CCDC178: variants seen among roughly 807,000 people sequenced by gnomAD.
CCDC178 encodes the protein coiled-coil domain-containing protein 178.
A neutral mutation model predicts 117.4 loss-of-function variants in CCDC178; 126 were observed. That is an observed-to-expected ratio of 1.07 (90% CI 0.93 to 1.24). The LOEUF (loss-of-function observed/expected upper bound fraction) is 1.24. Among genes scored for constraint, CCDC178 ranks in the 50% most tolerant of loss-of-function variants. The pLI, the probability that CCDC178 is intolerant of heterozygous loss-of-function variation, is 0.00. For synonymous variants in CCDC178, 283 were observed against 313.4 expected (o/e 0.90, Z 1.02); for missense variants, 1,030 against 986.9 (o/e 1.04, Z -0.59).
At chr18:33,343,004 C>G (rs1000581520) in intron 9 of CCDC178, among the ~76,000 whole-genome samples, 1 of 152,128 alleles carries the variant, frequency 6.6e-6, no homozygotes, top group South Asian at 2.1e-4. Flanking sequence ...TGTCTCACCC[C>G]CTGGGGTGAT....
At chr18:33,147,783 A>T (rs2058288663) in intron 20 of CCDC178, among the ~76,000 whole-genome samples, 1 of 152,196 alleles carries the variant, frequency 6.6e-6, no homozygotes, top group Non-Finnish European at 1.5e-5. Flanking sequence ...ACATAGACAC[A>T]GCAACAATCT....
At chr18:33,331,919 T>C (rs1011682172) in intron 10 of CCDC178, among the ~76,000 whole-genome samples, 3 of 152,210 alleles carry the variant, frequency 2.0e-5, no homozygotes, top group African/African-American at 7.2e-5. Context: ...AAGGTATTCA[T>C]GTGTGATTAT....
rs557035991 is a variant in CCDC178 at position 33,261,669 on chromosome 18, T to C, written c.1409+5247A>G. Among the ~76,000 whole-genome samples, 4 of 152,320 alleles carry C rather than the reference T, an allele frequency of 2.6e-5. No homozygotes were observed. The East Asian group carries it at 7.7e-4, about 29-fold the overall frequency. On this transcript the variant is annotated intron_variant, in intron 14 of 22. Transcript: ENST00000383096. Reference sequence around the variant, plus strand: ...AATGGTTATATAATCTTTTTCACATTTAAATATTCCATAGGGCTATTTGTC... The same window carrying C: ...AATGGTTATATAATCTTTTTCACATCTAAATATTCCATAGGGCTATTTGTC...
intron 15 of CCDC178, among the ~76,000 whole-genome samples, chr18:33,237,123 C>G (rs916193568): frequency 6.6e-6 from 1 of 152,170 alleles, no homozygotes; most frequent in African/African-American, 2.4e-5. Flanking sequence ...CTAGAGTGTA[C>G]CCTTCTCTGG....
chr18:33,419,786 A>G (rs965148722), intron 2 of CCDC178, among the ~76,000 whole-genome samples: 1 of 152,158 alleles, frequency 6.6e-6, no homozygotes. Flanking sequence ...AAAATAACAG[A>G]TGCTGGTGAG....
At chr18:33,407,349 A>G (rs957861935) in intron 3 of CCDC178, among the ~76,000 whole-genome samples, 1 of 152,194 alleles carries the variant, frequency 6.6e-6, no homozygotes, top group African/African-American at 2.4e-5. Flanking sequence ...AAGCCTGAAA[A>G]TTAGCGATCT....
intron 20 of CCDC178, 74 bp downstream of exon 20, chr18:33,211,822 T>C (rs1175105403): frequency 6.4e-6 from 8 of 1,251,058 alleles, no homozygotes; most frequent in Non-Finnish European, 8.9e-6. Flanking sequence ...AGGATAAAAA[T>C]TGTCTCAAAC....
intron 21 of CCDC178, among the ~76,000 whole-genome samples, chr18:33,010,546 G>A (rs905285511): frequency 6.6e-6 from 1 of 152,136 alleles, no homozygotes; most frequent in Non-Finnish European, 1.5e-5. Context: ...ACACATCTCA[G>A]TCTAGCTGCC....
At chr18:32,987,048 C>A (rs933335848) in intron 21 of CCDC178, among the ~76,000 whole-genome samples, 2 of 150,878 alleles carry the variant, frequency 1.3e-5, no homozygotes, top group African/African-American at 4.9e-5. Flanking sequence ...AAAAAATAAA[C>A]AAAAGTCTTC....
At chr18:33,130,704 T>G (rs2058060183) in intron 20 of CCDC178, among the ~76,000 whole-genome samples, 1 of 151,936 alleles carries the variant, frequency 6.6e-6, no homozygotes. Flanking sequence ...ATGCAAACAT[T>G]CGACCTGGTT....
At chr18:33,260,993 A>C (rs1008548610) in intron 14 of CCDC178, among the ~76,000 whole-genome samples, 3 of 152,020 alleles carry the variant, frequency 2.0e-5, no homozygotes, top group Admixed American at 2.0e-4. Flanking sequence ...TGGTATTATA[A>C]TTTCCGAAGC....
rs760355528 is a variant in CCDC178 at position 33,376,367 on chromosome 18, G to A, written c.209-6178C>T. 3.9e-5 allele frequency among the ~76,000 whole-genome samples: 6 copies of A among 152,210 alleles called. No individual in the cohort carries two copies. The East Asian group carries it at 5.8e-4, about 15-fold the overall frequency. ...CCTACTGTAACAAAATGATAAGAAA[G>A]TAAAGATGTTCCAAAATAAAACTTT... On this transcript the variant is annotated intron_variant, in intron 5 of 22. Transcript: ENST00000383096.
At chr18:33,362,345 T>C (rs2063141996) in intron 6 of CCDC178, among the ~76,000 whole-genome samples, 1 of 151,722 alleles carries the variant, frequency 6.6e-6, no homozygotes, top group African/African-American at 2.4e-5. Flanking sequence ...AATATATTTT[T>C]TTAAGGAGTT....
At chr18:33,249,866 C>T (rs554904471) in intron 14 of CCDC178, among the ~76,000 whole-genome samples, 2 of 152,058 alleles carry the variant, frequency 1.3e-5, no homozygotes, top group South Asian at 2.1e-4. Context: ...GGCAGTATGG[C>T]CATTTTCATG....
intron 22 of CCDC178, among the ~76,000 whole-genome samples, chr18:32,957,170 CA>C (rs1198340217): frequency 6.6e-6 from 1 of 152,058 alleles, no homozygotes; most frequent in Non-Finnish European, 1.5e-5. Flanking sequence ...CCTTGTTGTA[CA>C]AAAAGGTTTT....
chr18:33,275,934 T>A (rs535898282), intron 12 of CCDC178, among the ~76,000 whole-genome samples: 1 of 151,954 alleles, frequency 6.6e-6, no homozygotes, highest in South Asian at 2.1e-4. Flanking sequence ...CTAATAACCT[T>A]GATATATATC....
chr18:33,418,601 C>G (rs984211675), intron 2 of CCDC178, among the ~76,000 whole-genome samples: 1 of 151,970 alleles, frequency 6.6e-6, no homozygotes, highest in African/African-American at 2.4e-5. Context: ...CCGATAGTCT[C>G]TGCCCAAAAG....
chr18:33,290,791 T>A (rs1439353099), intron 12 of CCDC178, among the ~76,000 whole-genome samples: 1 of 151,966 alleles, frequency 6.6e-6, no homozygotes, highest in Non-Finnish European at 1.5e-5. Context: ...TGGAAAAAGA[T>A]CCACACAAAC....
intron 15 of CCDC178, among the ~76,000 whole-genome samples, chr18:33,236,998 A>G (rs1296629433): frequency 6.6e-6 from 1 of 152,152 alleles, no homozygotes; most frequent in Non-Finnish European, 1.5e-5. Flanking sequence ...CTGAAAATTT[A>G]TACTGTTGCA....
Sources: gnomAD v4.1 joint callset for allele counts (sites outside exome capture counted in the v4.1 genomes callset) on GRCh38, gnomAD v4.1.1 for gene constraint, MANE v1.5 for transcripts, NCBI Gene and HGNC (gene_info 2026-07-23, HGNC 2026-07-21) for gene names.